Variants in RICTOR observed in about 807,000 individuals in gnomAD.
The protein encoded by RICTOR is rapamycin-insensitive companion of mTOR.
A neutral mutation model predicts 214.9 loss-of-function variants in RICTOR; 49 were observed. The observed-to-expected ratio is 0.23, with a 90% CI of 0.18 to 0.29. The LOEUF (loss-of-function observed/expected upper bound fraction) is 0.29. Among genes scored for constraint, RICTOR ranks in the 10% least tolerant of loss-of-function variants. The pLI, the probability that RICTOR is intolerant of heterozygous loss-of-function variation, is 1.00. For missense variants in RICTOR, 1,625 were observed against 2,047.0 expected (o/e 0.79, Z 3.98); for synonymous variants, 717 against 711.3 (o/e 1.01, Z -0.13).
chr5:39,004,401 T>C (rs1753862200), intron 3 of RICTOR, among the ~76,000 whole-genome samples: 1 of 152,210 alleles, frequency 6.6e-6, no homozygotes, highest in African/African-American at 2.4e-5. Context: ...ATTTCAGTTG[T>C]GAAGTCTGCC....
At chr5:39,025,008 A>C (rs1002137064) in intron 2 of RICTOR, among the ~76,000 whole-genome samples, 1 of 152,186 alleles carries the variant, frequency 6.6e-6, no homozygotes, top group African/African-American at 2.4e-5. Context: ...AAAACTGATT[A>C]CAACAACAAC....
rs753615115 is a variant in RICTOR at position 38,950,143 on chromosome 5, A to T, written c.3705T>A (p.Ser1235Arg). 2 of 1,613,386 alleles carry T rather than the reference A, an allele frequency of 1.2e-6. No individual in the cohort carries two copies. Among genetic ancestry groups the T allele is most frequent in the Non-Finnish European group, 1.7e-6 (2 of 1,179,584 alleles). Reference protein sequence around the residue: ...TTSGISSMSSSPSRETVGVDA... With the variant: ...TTSGISSMSSRPSRETVGVDA... Reference sequence around the variant, plus strand: ...CTACACCTACTGTCTCTCGTGAAGGACTTGAGCTCATTGAACTTATGCCAC... The same window carrying T: ...CTACACCTACTGTCTCTCGTGAAGGTCTTGAGCTCATTGAACTTATGCCAC... Residue 1235 changes from serine to arginine, a missense_variant, in exon 31 of 38, where the codon AGT (serine) becomes AGA (arginine). This residue lies in a region of RICTOR where 1,214 missense variants were observed against 1,470.5 expected (regional missense o/e 0.83). Coordinates refer to ENST00000357387, the MANE Select transcript of RICTOR (RefSeq NM_152756.5).
At chr5:38,983,770 G>C (rs1278041057) in intron 7 of RICTOR, among the ~76,000 whole-genome samples, 1 of 152,022 alleles carries the variant, frequency 6.6e-6, no homozygotes, top group Admixed American at 6.6e-5. Context: ...GAGACATCCT[G>C]GCCAACATGG....
chr5:39,015,236 C>T (rs957155710), intron 3 of RICTOR, among the ~76,000 whole-genome samples: 10 of 152,062 alleles, frequency 6.6e-5, no homozygotes, highest in African/African-American at 4.8e-5. Flanking sequence ...TTCTATAGAG[C>T]TATTCTCAGA....
chr5:39,056,434 G>A (rs964763226), intron 2 of RICTOR, among the ~76,000 whole-genome samples: 1 of 152,132 alleles, frequency 6.6e-6, no homozygotes, highest in African/African-American at 2.4e-5. Flanking sequence ...CACGATTCAA[G>A]ACAAGCCTGG....
At chr5:38,969,557 C>A (rs1750565686) in intron 11 of RICTOR, 2 of 151,868 alleles carry the variant, frequency 1.3e-5, no homozygotes, top group South Asian at 2.1e-4. Context: ...ACAGTCATGT[C>A]CTAGGTCTTA....
chr5:38,958,924 A>G, intron 22 of RICTOR, 93 bp from the exon 23 acceptor site: 1 of 939,032 alleles, frequency 1.1e-6, no homozygotes, highest in African/African-American at 1.7e-5. Context: ...CTACTTGAAA[A>G]GGGAAGAATG....
chr5:39,021,415 C>T (rs926544367), intron 2 of RICTOR, among the ~76,000 whole-genome samples: 2 of 152,170 alleles, frequency 1.3e-5, no homozygotes, highest in Non-Finnish European at 2.9e-5. Context: ...GTGTTCCCCC[C>T]AAAGTTGTGT....
chr5:38,981,842 T>C, intron 8 of RICTOR, 25 bp downstream of exon 8: 1 of 1,510,748 alleles, frequency 6.6e-7, no homozygotes. Flanking sequence ...ATTTTAAAAC[T>C]AGAAAAGAAT....
At position 39,074,120 on chromosome 5, in the gene RICTOR, G is replaced by A; in HGVS notation, c.88C>T (p.Leu30=). The change falls in exon 2 of 38, where the codon CTG becomes TTG. Residue 30 remains leucine, a synonymous_variant. Transcript: ENST00000357387. ...DSGEENVPLD[L]TREPSDNLRE... Reference sequence around the variant, plus strand: ...CGGCGCCCCGCGTTACCTCGGGTCAGATCCAGCGGGACGTTCTCCTCGCCG... The same window carrying A: ...CGGCGCCCCGCGTTACCTCGGGTCAAATCCAGCGGGACGTTCTCCTCGCCG... The A allele has an allele frequency of 6.3e-7, 1 of 1,582,650 alleles. No homozygotes were observed.
chr5:39,024,326 T>A (rs964050111), intron 2 of RICTOR, among the ~76,000 whole-genome samples: 3 of 152,172 alleles, frequency 2.0e-5, no homozygotes, highest in African/African-American at 7.2e-5. Flanking sequence ...TTTGGGGAGT[T>A]ATTTTGAAAG....
At chr5:38,949,155 C>CT (rs1294597816) in intron 31 of RICTOR, among the ~76,000 whole-genome samples, 2 of 151,988 alleles carry the variant, frequency 1.3e-5, no homozygotes, top group Non-Finnish European at 2.9e-5. Context: ...AAACTGTTCA[C>CT]TTTGACTAGC....
chr5:38,966,287 T>C (rs1750209683), intron 15 of RICTOR, among the ~76,000 whole-genome samples: 1 of 152,254 alleles, frequency 6.6e-6, no homozygotes, highest in African/African-American at 2.4e-5. Context: ...GTAGTATCCA[T>C]AGTTTTGCAA....
chr5:38,971,816 T>G (rs770391485), intron 11 of RICTOR, 61 bp downstream of exon 11: 1 of 731,636 alleles, frequency 1.4e-6, no homozygotes, highest in Non-Finnish European at 2.4e-6. Context: ...ATTTTTTTTT[T>G]ATAATTAATT....
chr5:38,965,306 AACT>A (rs1561468168), intron 15 of RICTOR, among the ~76,000 whole-genome samples: 2 of 152,144 alleles, frequency 1.3e-5, no homozygotes, highest in African/African-American at 2.4e-5. Flanking sequence ...AAGTTTTAAA[AACT>A]ACTTTCTCAA....
chr5:39,014,767 T>C (rs1561533857), intron 3 of RICTOR, among the ~76,000 whole-genome samples: 4 of 152,162 alleles, frequency 2.6e-5, no homozygotes, highest in Admixed American at 2.6e-4. Flanking sequence ...GTGTGTGACA[T>C]TCACATGGTT....
intron 5 of RICTOR, among the ~76,000 whole-genome samples, chr5:39,001,242 T>C (rs1198840269): frequency 1.3e-5 from 2 of 151,984 alleles, no homozygotes; most frequent in Non-Finnish European, 2.9e-5. Flanking sequence ...CAAGGACAAA[T>C]ATACCAACTA....
Position 38,957,647 on chromosome 5 carries a change from GT to G in RICTOR, c.2499+4del. 2.7e-6 allele frequency: 4 copies of G among 1,470,312 alleles called. No individual in the cohort carries two copies. Among genetic ancestry groups the G allele is most frequent in the Non-Finnish European group, 3.8e-6 (4 of 1,059,984 alleles). The allele number at this position is 1,470,312 out of a possible 1,614,324, so 91.1% of individuals were successfully genotyped here. Reference sequence around the variant, plus strand: ...AAATTCAACTTTATTCAAATAAGAAGTTACCCTGTGCCACTTTTCCAATTGT... The same window carrying G: ...AAATTCAACTTTATTCAAATAAGAAGTACCCTGTGCCACTTTTCCAATTGT... On this transcript the variant is annotated splice_donor_region_variant and intron_variant, in intron 25 of 37. Coordinates refer to ENST00000357387, the MANE Select transcript of RICTOR (RefSeq NM_152756.5).
rs575147041 is a variant in RICTOR at position 38,958,792 on chromosome 5, A to G, written c.2218T>C (p.Leu740=). Residue 740 remains leucine (L), a synonymous_variant, in exon 23 of 38, where the codon TTG becomes CTG. Coordinates refer to ENST00000357387, the MANE Select transcript of RICTOR (RefSeq NM_152756.5). The part of the protein sequence containing the change: ...LYATKHLRVL[L]RANVEFFNNW... ...TTAAAGAATTCAACATTAGCTCTCA[A>G]TAATACCCTTAAATGTTTTGTTGCA... 1 of 1,608,642 alleles carries G rather than the reference A, an allele frequency of 6.2e-7. No individual in the cohort carries two copies. The highest frequency in any genetic ancestry group is 1.3e-5 in the African/African-American group (1 of 74,762).
Sources: allele counts gnomAD v4.1 joint callset (sites outside exome capture counted in the v4.1 genomes callset), GRCh38; gene constraint gnomAD v4.1.1; regional missense constraint gnomAD v4.1.1; transcripts MANE v1.5; gene names NCBI Gene and HGNC (gene_info 2026-07-23, HGNC 2026-07-21).